HHAT: variants seen among roughly 807,000 people sequenced by gnomAD.
HHAT encodes the protein hedgehog acyltransferase.
Under a neutral mutation model 70.8 loss-of-function variants are expected in HHAT, and 47 were observed. The ratio of observed to expected loss-of-function variants is 0.66; its 90% CI spans 0.53 to 0.85. The LOEUF (loss-of-function observed/expected upper bound fraction) is 0.85. Among genes scored for constraint, HHAT ranks in the 40% least tolerant of loss-of-function variants. HHAT has a pLI of 0.00. For missense variants in HHAT, 609 were observed against 604.8 expected (o/e 1.01, Z -0.07); for synonymous variants, 228 against 247.6 (o/e 0.92, Z 0.74).
chr1:210,445,334 T>G (rs1409513683), intron 7 of HHAT, among the ~76,000 whole-genome samples: 1 of 152,224 alleles, frequency 6.6e-6, no homozygotes, highest in Non-Finnish European at 1.5e-5. Context: ...TTTTTTTCCT[T>G]TTAAAAGGTC....
chr1:210,523,978 A>G (rs2095204134), intron 9 of HHAT, among the ~76,000 whole-genome samples: 1 of 152,260 alleles, frequency 6.6e-6, no homozygotes, highest in African/African-American at 2.4e-5. Context: ...ACATTAGCTA[A>G]ATGAAATCAG....
At chr1:210,667,038 C>T (rs187762980) in intron 11 of HHAT, among the ~76,000 whole-genome samples, 107 of 151,608 alleles carry the variant, frequency 7.1e-4, no homozygotes, top group Non-Finnish European at 1.2e-3. Context: ...CGAGATTGCA[C>T]CACTGCACTC....
intron 4 of HHAT, among the ~76,000 whole-genome samples, chr1:210,396,468 G>C (rs1458085196): frequency 3.3e-5 from 5 of 152,190 alleles, no homozygotes; most frequent in Admixed American, 6.5e-5. Context: ...TGAATAAACT[G>C]GATCACACAT....
chr1:210,461,242 C>T (rs1268230523), intron 7 of HHAT, among the ~76,000 whole-genome samples: 1 of 152,174 alleles, frequency 6.6e-6, no homozygotes, highest in Non-Finnish European at 1.5e-5. Flanking sequence ...TAGACCAAAT[C>T]TTAAAAGGGA....
chr1:210,559,192 ATTG>A (rs1215410972), intron 9 of HHAT, among the ~76,000 whole-genome samples: 1 of 152,154 alleles, frequency 6.6e-6, no homozygotes, highest in Non-Finnish European at 1.5e-5. Context: ...ATTGTGCTTT[ATTG>A]TATTTTTAAA....
chr1:210,568,092 A>C (rs1655212755), intron 9 of HHAT, among the ~76,000 whole-genome samples: 1 of 152,248 alleles, frequency 6.6e-6, no homozygotes, highest in Non-Finnish European at 1.5e-5. Flanking sequence ...CCCATCCCTC[A>C]ACCTCTGGGA....
rs1027531134 is a variant in HHAT at position 210,534,182 on chromosome 1, T to C, written c.1043+20994T>C. Reference sequence around the variant, plus strand: ...CTGGGCACTGCTGAGCAGGCACCTATGGTCTGTGAGGGGCATCCATTCTTT... The same window carrying C: ...CTGGGCACTGCTGAGCAGGCACCTACGGTCTGTGAGGGGCATCCATTCTTT... On this transcript the variant is annotated intron_variant, in intron 9 of 11. Coordinates refer to ENST00000261458, the MANE Select transcript of HHAT (RefSeq NM_018194.6). Among the ~76,000 whole-genome samples, 6 of 152,340 alleles carry C rather than the reference T, an allele frequency of 3.9e-5. 1 individual carries two copies. Among genetic ancestry groups the C allele is most frequent in the Admixed American group, 3.9e-4 (6 of 15,300 alleles).
intron 9 of HHAT, among the ~76,000 whole-genome samples, chr1:210,576,306 A>G (rs1056938511): frequency 2.6e-5 from 4 of 152,166 alleles, no homozygotes; most frequent in Admixed American, 2.0e-4. Context: ...CTGATACACA[A>G]AAACTGCACA....
intron 7 of HHAT, among the ~76,000 whole-genome samples, chr1:210,427,606 T>C (rs1159377108): frequency 1.3e-5 from 2 of 152,200 alleles, no homozygotes; most frequent in African/African-American, 2.4e-5. Context: ...CATGTAATTA[T>C]ATGGTTTTGA....
intron 4 of HHAT, among the ~76,000 whole-genome samples, chr1:210,394,612 C>T (rs567007992): frequency 4.6e-5 from 7 of 152,104 alleles, no homozygotes; most frequent in South Asian, 4.2e-4. Flanking sequence ...ACCACAGAGC[C>T]GGGTTCTCAC....
chr1:210,370,754 A>G (rs2089497590), intron 3 of HHAT, among the ~76,000 whole-genome samples: 1 of 151,714 alleles, frequency 6.6e-6, no homozygotes, highest in Non-Finnish European at 1.5e-5. Context: ...AGCTGGGACT[A>G]CAGGCATGTG....
Position 210,496,010 on chromosome 1 carries a change from C to CAAA in HHAT, c.1008-17125_1008-17123dup, listed in dbSNP as rs10639399. Among the ~76,000 whole-genome samples, 27 of 67,950 alleles carry CAAA rather than the reference C, an allele frequency of 4.0e-4. 4 individuals carry two copies. Among genetic ancestry groups the CAAA allele is most frequent in the African/African-American group, 1.6e-3 (23 of 14,670 alleles). The allele number at this position is 67,950 out of a possible 152,430, so 44.6% of individuals were successfully genotyped here. Reference sequence around the variant, plus strand: ...TGGGCAACAGAGTCAAACTCTATCTCAAAAAAAAAAAAAAAAAAAAGAAAA... The same window carrying CAAA: ...TGGGCAACAGAGTCAAACTCTATCTCAAAAAAAAAAAAAAAAAAAAAAAGAAAA... On this transcript the variant is annotated intron_variant, in intron 8 of 11. Transcript: ENST00000261458.
At chr1:210,642,940 C>T (rs1174638677) in intron 11 of HHAT, among the ~76,000 whole-genome samples, 1 of 152,144 alleles carries the variant, frequency 6.6e-6, no homozygotes, top group Non-Finnish European at 1.5e-5. Context: ...GAAGATATTG[C>T]TCTATGTTAT....
intron 7 of HHAT, among the ~76,000 whole-genome samples, chr1:210,432,336 G>A (rs2093269673): frequency 6.6e-6 from 1 of 151,930 alleles, no homozygotes; most frequent in African/African-American, 2.4e-5. Context: ...AGTAACGAAT[G>A]AGAAGGAATG....
At chr1:210,330,306 T>A (rs1175475817) in intron 1 of HHAT, among the ~76,000 whole-genome samples, 1 of 152,208 alleles carries the variant, frequency 6.6e-6, no homozygotes, top group Admixed American at 6.5e-5. Flanking sequence ...TAATGTTAAT[T>A]TAAGGAGACT....
intron 7 of HHAT, among the ~76,000 whole-genome samples, chr1:210,458,692 T>A (rs1292983228): frequency 6.6e-6 from 1 of 152,098 alleles, no homozygotes. Flanking sequence ...AGGACAGGAA[T>A]GTCAGGGCAG....
intron 7 of HHAT, among the ~76,000 whole-genome samples, chr1:210,449,812 A>G (rs1052660909): frequency 5.3e-5 from 8 of 152,150 alleles, no homozygotes; most frequent in African/African-American, 1.9e-4. Context: ...ACATCAGTTC[A>G]TCAAAGTTTC....
At chr1:210,672,565 T>C (rs1249004054) in intron 11 of HHAT, among the ~76,000 whole-genome samples, 4 of 152,204 alleles carry the variant, frequency 2.6e-5, no homozygotes, top group African/African-American at 9.6e-5. Context: ...TATGTGTGTG[T>C]CTTTCCCAAG....
At chr1:210,343,947 G>C (rs2086266139) in intron 1 of HHAT, among the ~76,000 whole-genome samples, 2 of 152,164 alleles carry the variant, frequency 1.3e-5, no homozygotes, top group Admixed American at 1.3e-4. Flanking sequence ...CAGGCCCTGG[G>C]CTAAGCATTT....
Sources: allele counts gnomAD v4.1 joint callset (sites outside exome capture counted in the v4.1 genomes callset), GRCh38; gene constraint gnomAD v4.1.1; transcripts MANE v1.5; gene names NCBI Gene and HGNC (gene_info 2026-07-23, HGNC 2026-07-21).